The following EXOC4 variants were observed in gnomAD, a reference collection of about 807,000 sequenced individuals.
EXOC4 encodes exocyst complex component 4.
In EXOC4, 71 loss-of-function variants were observed where a neutral mutation model predicts 107.2. That is an observed-to-expected ratio of 0.66 (90% CI 0.55 to 0.81). The LOEUF (loss-of-function observed/expected upper bound fraction) is 0.81. EXOC4 is among the 30% of genes least tolerant of loss of function. EXOC4 has a pLI of 0.00. For synonymous variants in EXOC4, 456 were observed against 441.2 expected, an observed-to-expected ratio of 1.03 and a Z score of -0.42; for missense variants, 1,108 against 1,189.6, an observed-to-expected ratio of 0.93 and a Z score of 1.01.
At chr7:133,501,448 C>G (rs1029756272) in intron 9 of EXOC4, among the ~76,000 whole-genome samples, 1 of 152,102 alleles carries the variant, frequency 6.6e-6, no homozygotes, top group African/African-American at 2.4e-5. Context: ...CAGCTGTGTT[C>G]TCTGATGACA....
chr7:133,324,159 T>G (rs1279145701), intron 5 of EXOC4, among the ~76,000 whole-genome samples: 1 of 152,116 alleles, frequency 6.6e-6, no homozygotes, highest in Non-Finnish European at 1.5e-5. Flanking sequence ...TTTCAAAAAA[T>G]CAGCTCCTGG....
chr7:133,868,029 G>A (rs1798677320), intron 11 of EXOC4, among the ~76,000 whole-genome samples: 1 of 152,154 alleles, frequency 6.6e-6, no homozygotes, highest in Non-Finnish European at 1.5e-5. Flanking sequence ...ATTTTCTTCT[G>A]TAAATAAATT....
intron 7 of EXOC4, among the ~76,000 whole-genome samples, chr7:133,437,556 C>T (rs974212437): frequency 6.6e-6 from 1 of 152,152 alleles, no homozygotes; most frequent in Non-Finnish European, 1.5e-5. Flanking sequence ...TAAAATTTTC[C>T]GTAATATTTC....
chr7:133,443,416 C>G (rs1441328468), intron 7 of EXOC4, among the ~76,000 whole-genome samples: 1 of 152,128 alleles, frequency 6.6e-6, no homozygotes, highest in Non-Finnish European at 1.5e-5. Flanking sequence ...ACTGGATAGC[C>G]TTGGATGGAG....
chr7:133,650,217 T>C (rs1803106804), intron 10 of EXOC4, among the ~76,000 whole-genome samples: 1 of 152,150 alleles, frequency 6.6e-6, no homozygotes. Flanking sequence ...GAAATGATTA[T>C]GTGGCAACAT....
intron 13 of EXOC4, among the ~76,000 whole-genome samples, chr7:133,933,830 AT>A (rs1308423942): frequency 1.3e-5 from 2 of 152,212 alleles, no homozygotes; most frequent in Admixed American, 6.5e-5. Context: ...TGGCGTGCCC[AT>A]TTGAAAGTTC....
At chr7:133,951,922 G>T (rs961782835) in intron 14 of EXOC4, among the ~76,000 whole-genome samples, 1 of 152,152 alleles carries the variant, frequency 6.6e-6, no homozygotes. Context: ...CACTCTGGGG[G>T]GCCAAGGCAG....
At chr7:133,773,491 A>G (rs948944278) in intron 10 of EXOC4, among the ~76,000 whole-genome samples, 2 of 150,238 alleles carry the variant, frequency 1.3e-5, no homozygotes, top group African/African-American at 4.9e-5. Context: ...TATTATTATT[A>G]TTTTTCTTTT....
intron 11 of EXOC4, among the ~76,000 whole-genome samples, chr7:133,875,967 T>C (rs1475983389): frequency 1.3e-5 from 2 of 152,172 alleles, no homozygotes; most frequent in Non-Finnish European, 2.9e-5. Flanking sequence ...GTCATAACAG[T>C]ATAAACTGTT....
At chr7:133,505,024 T>C (rs1316915659) in intron 9 of EXOC4, among the ~76,000 whole-genome samples, 1 of 152,094 alleles carries the variant, frequency 6.6e-6, no homozygotes, top group Admixed American at 6.6e-5. Context: ...TTGTGAGTCA[T>C]CTATGAGATA....
intron 14 of EXOC4, among the ~76,000 whole-genome samples, chr7:133,982,120 G>A (rs768714903): frequency 6.0e-4 from 91 of 152,208 alleles, no homozygotes; most frequent in Admixed American, 2.6e-4. Context: ...AGGAGGGAGA[G>A]GATCAGAAAA....
rs763066270 is a variant in EXOC4, at chr7:133,683,535, AT to A, written c.1514+53395del. Among the ~76,000 whole-genome samples, 25 of 152,312 alleles carry A rather than the reference AT, an allele frequency of 1.6e-4. No individual in the cohort carries two copies. In the South Asian group the frequency reaches 3.5e-3, roughly 21 times the overall value. ...TGTATCTTTTGAATCAAATGAAAAT[AT>A]ACTGTGATAATTATTCTTTCACTGA... On this transcript the variant is annotated intron_variant, in intron 10 of 17. Transcript: ENST00000253861.
At chr7:133,527,431 A>T (rs2150918215) in intron 9 of EXOC4, among the ~76,000 whole-genome samples, 1 of 152,178 alleles carries the variant, frequency 6.6e-6, no homozygotes, top group African/African-American at 2.4e-5. Flanking sequence ...AAATAAATAA[A>T]AATATGTATT....
chr7:133,384,514 C>A (rs1796683904), intron 7 of EXOC4, among the ~76,000 whole-genome samples: 1 of 152,030 alleles, frequency 6.6e-6, no homozygotes, highest in Non-Finnish European at 1.5e-5. Context: ...TGGGCCAAGG[C>A]AAGAATGTTG....
intron 17 of EXOC4, among the ~76,000 whole-genome samples, chr7:134,021,426 T>C (rs903392811): frequency 1.3e-5 from 2 of 152,164 alleles, no homozygotes; most frequent in African/African-American, 2.4e-5. Flanking sequence ...CTTATAAGGC[T>C]CTGAACAGTA....
intron 13 of EXOC4, among the ~76,000 whole-genome samples, chr7:133,937,140 C>T (rs1486345810): frequency 6.6e-6 from 1 of 152,182 alleles, no homozygotes; most frequent in Non-Finnish European, 1.5e-5. Context: ...CAGGTCCCTT[C>T]CAGCTTCATC....
At chr7:133,261,353 G>A (rs1795148171) in intron 1 of EXOC4, among the ~76,000 whole-genome samples, 1 of 149,348 alleles carries the variant, frequency 6.7e-6, no homozygotes, top group South Asian at 2.1e-4. Context: ...TGCAACCTCT[G>A]CCTCCCAGGC....
intron 9 of EXOC4, among the ~76,000 whole-genome samples, chr7:133,588,964 G>A (rs550904489): frequency 6.7e-6 from 1 of 148,284 alleles, no homozygotes; most frequent in Non-Finnish European, 1.5e-5. Context: ...GTGCACATAT[G>A]TGTGTGTGTG....
chr7:133,678,651 C>T (rs573210263), intron 10 of EXOC4, among the ~76,000 whole-genome samples: 65 of 151,538 alleles, frequency 4.3e-4, no homozygotes, highest in African/African-American at 1.5e-3. Context: ...TGCTGTGTTG[C>T]CCAGGCTGGA....
Sources: gnomAD v4.1 joint callset for allele counts (sites outside exome capture counted in the v4.1 genomes callset) on GRCh38, gnomAD v4.1.1 for gene constraint, MANE v1.5 for transcripts, NCBI Gene and HGNC (gene_info 2026-07-23, HGNC 2026-07-21) for gene names.